The following ZBTB7C variants were observed in gnomAD, a reference collection of about 807,000 sequenced individuals.
ZBTB7C encodes the protein zinc finger and BTB domain-containing protein 7C.
ZBTB7C carries 8 observed loss-of-function variants against 25.7 expected under a neutral mutation model. The ratio of observed to expected loss-of-function variants is 0.31; its 90% CI spans 0.18 to 0.56. The LOEUF (loss-of-function observed/expected upper bound fraction) is 0.56. Among genes scored for constraint, ZBTB7C ranks in the 20% least tolerant of loss-of-function variants. The probability of loss-of-function intolerance (pLI) is 0.91; values close to 1 mark genes in which losing one functional copy is unlikely to be tolerated. For missense variants in ZBTB7C, 824 were observed against 855.2 expected, an observed-to-expected ratio of 0.96 and a Z score of 0.46; for synonymous variants, 394 against 369.0, an observed-to-expected ratio of 1.07 and a Z score of -0.78.
intron 3 of ZBTB7C, among the ~76,000 whole-genome samples, chr18:48,140,938 C>T (rs887377448): frequency 6.6e-6 from 1 of 152,184 alleles, no homozygotes; most frequent in Non-Finnish European, 1.5e-5. Flanking sequence ...CAGGCACCTC[C>T]TAACTGGTCT....
At chr18:48,270,682 T>G (rs2044457143) in intron 2 of ZBTB7C, among the ~76,000 whole-genome samples, 1 of 142,210 alleles carries the variant, frequency 7.0e-6, no homozygotes, top group African/African-American at 2.6e-5. Context: ...AGAGTGAGAC[T>G]CTGTCTCAAA....
chr18:48,088,435 A>C (rs2038277234), intron 3 of ZBTB7C: 1 of 148,976 alleles, frequency 6.7e-6, no homozygotes, highest in African/African-American at 2.6e-5. Context: ...TCAAAGAAAC[A>C]AAAAAACACA....
chr18:48,282,264 G>A (rs929869611), intron 2 of ZBTB7C, among the ~76,000 whole-genome samples: 1 of 132,174 alleles, frequency 7.6e-6, no homozygotes, highest in African/African-American at 2.9e-5. Context: ...TGAACAATGA[G>A]AACACATGGA....
intron 1 of ZBTB7C, among the ~76,000 whole-genome samples, chr18:48,359,336 A>C (rs1371556489): frequency 6.7e-6 from 1 of 149,584 alleles, no homozygotes; most frequent in Non-Finnish European, 1.5e-5. Flanking sequence ...TAGAAAGAGG[A>C]AACTATGAAG....
chr18:48,298,498 C>T (rs2045460706), intron 2 of ZBTB7C, among the ~76,000 whole-genome samples: 1 of 152,152 alleles, frequency 6.6e-6, no homozygotes, highest in Non-Finnish European at 1.5e-5. Context: ...CATAGGGACA[C>T]ATCCAGCCAT....
At chr18:48,194,388 G>A (rs948394688) in intron 2 of ZBTB7C, among the ~76,000 whole-genome samples, 4 of 152,180 alleles carry the variant, frequency 2.6e-5, no homozygotes, top group Non-Finnish European at 4.4e-5. Context: ...GTGATATTGC[G>A]GGGGTTGTCT....
intron 3 of ZBTB7C, among the ~76,000 whole-genome samples, chr18:48,068,940 G>A (rs918137767): frequency 5.9e-5 from 9 of 152,190 alleles, no homozygotes; most frequent in African/African-American, 2.2e-4. Context: ...AAACCAGCAG[G>A]ACCCCATGAT....
chr18:48,236,875 T>C (rs1402135963), intron 2 of ZBTB7C, among the ~76,000 whole-genome samples: 1 of 152,050 alleles, frequency 6.6e-6, no homozygotes, highest in African/African-American at 2.4e-5. Flanking sequence ...GCAGAGGAAA[T>C]TTAATATGGG....
intron 1 of ZBTB7C, among the ~76,000 whole-genome samples, chr18:48,402,237 A>C (rs1276195073): frequency 1.3e-5 from 2 of 149,906 alleles, no homozygotes; most frequent in Non-Finnish European, 3.0e-5. Context: ...ATATTTCTTG[A>C]GTTCCTCCTG....
At chr18:48,060,031 C>T (rs982030318) in intron 3 of ZBTB7C, among the ~76,000 whole-genome samples, 1 of 152,096 alleles carries the variant, frequency 6.6e-6, no homozygotes, top group East Asian at 1.9e-4. Flanking sequence ...CTTTGTAAAA[C>T]GGTGTCTAAA....
At chr18:48,243,927 G>C (rs1376868371) in intron 2 of ZBTB7C, among the ~76,000 whole-genome samples, 1 of 152,104 alleles carries the variant, frequency 6.6e-6, no homozygotes, top group Non-Finnish European at 1.5e-5. Flanking sequence ...AGTAGGAAAA[G>C]GACACCCTAT....
At chr18:48,373,765 T>G (rs1209752949) in intron 1 of ZBTB7C, among the ~76,000 whole-genome samples, 2 of 152,106 alleles carry the variant, frequency 1.3e-5, no homozygotes. Context: ...ATCGAGACCA[T>G]CCTGGTAAAC....
At chr18:48,103,979 G>A (rs1358391562) in intron 3 of ZBTB7C, among the ~76,000 whole-genome samples, 1 of 152,164 alleles carries the variant, frequency 6.6e-6, no homozygotes, top group Admixed American at 6.5e-5. Context: ...TGGGTATGGG[G>A]TTTCTTTTCA....
intron 3 of ZBTB7C, among the ~76,000 whole-genome samples, chr18:48,131,105 T>C (rs1248664175): frequency 6.6e-6 from 1 of 152,282 alleles, no homozygotes; most frequent in South Asian, 2.1e-4. Flanking sequence ...GGTTTCACCA[T>C]ATTGGTCAGG....
chr18:48,039,842 C>A lies in ZBTB7C; in HGVS notation c.1208+58G>T, dbSNP rs542672270. On this transcript the variant is annotated intron_variant, in intron 4 of 4. Coordinates refer to ENST00000590800, the MANE Select transcript of ZBTB7C (RefSeq NM_001318841.2). ...CCACCGCCAGCCTCCCTGCCCAACT[C>A]TGCTGTCCCCCATGGCCTCTGGCCC... 3.2e-6 allele frequency: 5 copies of A among 1,573,166 alleles called. No individual in the cohort carries two copies. The East Asian group carries it at 1.1e-4, about 35-fold the overall frequency.
intron 2 of ZBTB7C, among the ~76,000 whole-genome samples, chr18:48,304,960 T>C (rs1240839857): frequency 3.3e-5 from 5 of 151,862 alleles, no homozygotes; most frequent in African/African-American, 7.3e-5. Flanking sequence ...CAGGCCTGAC[T>C]CTGCAGGGAG....
At chr18:48,188,854 C>T (rs1371288868) in intron 2 of ZBTB7C, among the ~76,000 whole-genome samples, 1 of 152,136 alleles carries the variant, frequency 6.6e-6, no homozygotes, top group Admixed American at 6.5e-5. Context: ...ACTAATTTTA[C>T]TCTTTCTACT....
At chr18:48,120,823 A>C (rs555311823) in intron 3 of ZBTB7C, among the ~76,000 whole-genome samples, 1 of 152,350 alleles carries the variant, frequency 6.6e-6, no homozygotes, top group African/African-American at 2.4e-5. Flanking sequence ...TCATTCACAC[A>C]ATCAGAGCTC....
intron 2 of ZBTB7C, among the ~76,000 whole-genome samples, chr18:48,332,252 T>C (rs2046357403): frequency 6.6e-6 from 1 of 152,210 alleles, no homozygotes; most frequent in Non-Finnish European, 1.5e-5. Flanking sequence ...TTACTGGTCC[T>C]GGGAAGCTCC....
Sources: gnomAD v4.1 joint callset for allele counts (sites outside exome capture counted in the v4.1 genomes callset) on GRCh38, gnomAD v4.1.1 for gene constraint, MANE v1.5 for transcripts, NCBI Gene and HGNC (gene_info 2026-07-23, HGNC 2026-07-21) for gene names.